The following PCDHGA4 variants were observed in gnomAD, a reference collection of about 807,000 sequenced individuals.
PCDHGA4 encodes protocadherin gamma subfamily A, 4.
PCDHGA4 carries 38 observed loss-of-function variants against 54.6 expected under a neutral mutation model. That is an observed-to-expected ratio of 0.70 (90% CI 0.54 to 0.91). The LOEUF (loss-of-function observed/expected upper bound fraction) is 0.91, where lower values mean the gene tolerates loss of function less well. Ranked by LOEUF, PCDHGA4 falls within the 40% of genes least tolerant of loss-of-function variation. The pLI is 0.00. For missense variants in PCDHGA4, 1,298 were observed against 1,220.9 expected (o/e 1.06, Z -0.94); for synonymous variants, 511 against 512.9 (o/e 1.00, Z 0.05).
chr5:141,407,159 A>G (rs1349203478), intron 1 of PCDHGA4, among the ~76,000 whole-genome samples: 1 of 152,232 alleles, frequency 6.6e-6, no homozygotes, highest in Non-Finnish European at 1.5e-5. Context: ...AGTGTCTGGG[A>G]ATCCTTTATG....
rs756146067 is a variant in PCDHGA4, at chr5:141,477,534, G to C, written c.2515-17273G>C. On this transcript the variant is annotated intron_variant, in intron 1 of 3. Transcript: ENST00000571252. This position sits in a 1 kb window ranked among gnomAD's most constrained non-coding sequence, Gnocchi z 4.9. ...TACATTGAAGAAAACAACCTCCCCG[G>C]GGCTCCAATACTAAACCTAAGTGTC... 1.9e-6 allele frequency: 3 copies of C among 1,614,008 alleles called. No homozygotes were observed. Among genetic ancestry groups the C allele is most frequent in the East Asian group, 4.5e-5 (2 of 44,870 alleles).
At position 141,407,135 on chromosome 5, in the gene PCDHGA4, G is replaced by GA. The variant is rs796659459; in HGVS notation, c.2514+49522dup. The stretch of plus-strand genomic sequence containing the variant: ...TGGGTTTCAGTTGCTTTATTTTTAA[G>GA]AAAAAAAAGCTGAAGTGTCTGGGAA... On this transcript the variant is annotated intron_variant, in intron 1 of 3. Coordinates refer to ENST00000571252, the MANE Select transcript of PCDHGA4 (RefSeq NM_018917.4). 3.3e-5 allele frequency among the ~76,000 whole-genome samples: 5 copies of GA among 151,810 alleles called. No homozygotes were observed. In the South Asian group the frequency reaches 6.2e-4, roughly 19 times the overall value.
chr5:141,449,425 G>T (rs1206395356), intron 1 of PCDHGA4, among the ~76,000 whole-genome samples: 2 of 151,688 alleles, frequency 1.3e-5, no homozygotes, highest in Non-Finnish European at 2.9e-5. Context: ...TGGCCAACAT[G>T]ATAAAACTCC....
chr5:141,399,543 C>T (rs2093831494), intron 1 of PCDHGA4: 3 of 1,614,042 alleles, frequency 1.9e-6, no homozygotes, highest in Non-Finnish European at 2.5e-6. Flanking sequence ...AAGTCTGCGC[C>T]TCGGACCTGG....
At chr5:141,408,375 T>A in intron 1 of PCDHGA4, 1 of 1,613,972 alleles carries the variant, frequency 6.2e-7, no homozygotes, top group Non-Finnish European at 8.5e-7. Context: ...GGGCTCAGTG[T>A]CCTGGATGTG....
chr5:141,412,346 T>C (rs1489657145), intron 1 of PCDHGA4: 1 of 152,238 alleles, frequency 6.6e-6, no homozygotes, highest in African/African-American at 2.4e-5. Flanking sequence ...TATGTTCATT[T>C]TAGTTTGTGA....
chr5:141,366,518 A>G lies in PCDHGA4; in HGVS notation c.2514+8897A>G, dbSNP rs202129179. On this transcript the variant is annotated intron_variant, in intron 1 of 3. Coordinates refer to ENST00000571252, the MANE Select transcript of PCDHGA4 (RefSeq NM_018917.4). ...GTCACGCCTGCTTCAGGCTGAAGGC[A>G]GCAGGTTGGCGGGTGTGCCCGCCTC... 2.2e-4 allele frequency: 362 copies of G among 1,614,126 alleles called. 1 individual carries two copies. Among genetic ancestry groups the G allele is most frequent in the Non-Finnish European group, 2.9e-4 (339 of 1,180,048 alleles).
rs182905441 is a variant in PCDHGA4, at chr5:141,450,871, C to A, written c.2515-43936C>A. Among the ~76,000 whole-genome samples, 581 of 149,672 alleles carry A rather than the reference C, an allele frequency of 3.9e-3. 6 individuals carry two copies. Among genetic ancestry groups the A allele is most frequent in the Admixed American group, 0.011 (168 of 14,998 alleles). ...ATGGGGTCTTGCTCTGTCACCCAGGCTGGTGTGCAGTGGTGCGATATCGGC... is the reference window on the plus strand; with the variant it reads ...ATGGGGTCTTGCTCTGTCACCCAGGATGGTGTGCAGTGGTGCGATATCGGC... On this transcript the variant is annotated intron_variant, in intron 1 of 3. Coordinates refer to ENST00000571252, the MANE Select transcript of PCDHGA4 (RefSeq NM_018917.4).
At chr5:141,387,920 G>A in intron 1 of PCDHGA4, 12 of 1,481,924 alleles carry the variant, frequency 8.1e-6, no homozygotes, top group Non-Finnish European at 1.1e-5. Context: ...GCCGGGCTGA[G>A]AGGCTGCCAG....
At position 141,355,699 on chromosome 5, in the gene PCDHGA4, C is replaced by G; in HGVS notation, c.592C>G (p.Leu198Val). 6.2e-7 allele frequency: 1 copy of G among 1,613,950 alleles called. No individual in the cohort carries two copies. The highest frequency in any genetic ancestry group is 1.3e-5 in the African/African-American group (1 of 75,024). ...TGATCCGGATGTAGGTGTAAACTCC[C>G]TGCAGGGTTACCAGCTCAACTCAAA... Reference protein sequence around the residue: ...AFDPDVGVNSLQGYQLNSNGY... With the variant: ...AFDPDVGVNSVQGYQLNSNGY... Residue 198 changes from leucine (L) to valine (V), a missense_variant, in exon 1 of 4, where the codon CTG (leucine) becomes GTG (valine). By Grantham distance (32) the Leu-to-Val change is conservative. Coordinates refer to ENST00000571252, the MANE Select transcript of PCDHGA4 (RefSeq NM_018917.4).
At chr5:141,420,301 C>CT (rs768732518) in intron 1 of PCDHGA4, 1 of 1,462,190 alleles carries the variant, frequency 6.8e-7, no homozygotes, top group African/African-American at 1.4e-5. Flanking sequence ...GTATTTAATC[C>CT]TTTTTATATT....
intron 1 of PCDHGA4, chr5:141,420,414 T>C: frequency 8.2e-7 from 1 of 1,221,674 alleles, no homozygotes; most frequent in Non-Finnish European, 1.1e-6. Flanking sequence ...GTTATCATTA[T>C]TAAAACAAAA....
At chr5:141,384,518 C>T (rs1479729851) in intron 1 of PCDHGA4, 7 of 1,614,192 alleles carry the variant, frequency 4.3e-6, no homozygotes, top group East Asian at 4.5e-5. Flanking sequence ...AGCGGGGACC[C>T]GCCTCTCAGC....
chr5:141,510,880 G>T (rs373993657), intron 3 of PCDHGA4, 67 bp from the exon 4 acceptor site: 1 of 1,611,902 alleles, frequency 6.2e-7, no homozygotes. Context: ...AACTGCTGGG[G>T]ATATAAGACA....
At chr5:141,497,741 G>A (rs767561907) in intron 2 of PCDHGA4, among the ~76,000 whole-genome samples, 24 of 152,050 alleles carry the variant, frequency 1.6e-4, no homozygotes, top group Non-Finnish European at 2.6e-4. Context: ...GTTTCGCCAC[G>A]TTGGCCAGGC....
chr5:141,383,738 C>A (rs1779431322), intron 1 of PCDHGA4: 3 of 1,614,006 alleles, frequency 1.9e-6, no homozygotes, highest in Admixed American at 3.3e-5. Context: ...GTGACATATT[C>A]TTTTCGGAAA....
chr5:141,390,358 G>T, intron 1 of PCDHGA4: 1 of 1,540,914 alleles, frequency 6.5e-7, no homozygotes, highest in East Asian at 2.2e-5. Context: ...ATACATATTT[G>T]CAGGAAAATA....
chr5:141,430,763 A>C, intron 1 of PCDHGA4: 1 of 1,506,248 alleles, frequency 6.6e-7, no homozygotes, highest in Non-Finnish European at 8.9e-7. Flanking sequence ...GATAAGAATG[A>C]TTCCTGCGCG....
intron 1 of PCDHGA4, chr5:141,419,166 A>G: frequency 6.2e-7 from 1 of 1,613,944 alleles, no homozygotes; most frequent in Non-Finnish European, 8.5e-7. Context: ...TCCTCCAGCA[A>G]AACCATAACC....
Sources: gnomAD v4.1 joint callset for allele counts (sites outside exome capture counted in the v4.1 genomes callset) on GRCh38, gnomAD v4.1.1 for gene constraint, Gnocchi (gnomAD v3.1) non-coding constraint, MANE v1.5 for transcripts, NCBI Gene and HGNC (gene_info 2026-07-23, HGNC 2026-07-21) for gene names.